FRS2: variants seen among roughly 807,000 people sequenced by gnomAD.
FRS2 encodes FGFR signalling adaptor.
In FRS2, 8 loss-of-function variants were observed where a neutral mutation model predicts 43.9. That is an observed-to-expected ratio of 0.18 (90% CI 0.11 to 0.33). The LOEUF (loss-of-function observed/expected upper bound fraction) is 0.33, where lower values mean the gene tolerates loss of function less well. FRS2 is among the 10% of genes least tolerant of loss of function. The pLI is 1.00. For missense variants in FRS2, 534 were observed against 627.6 expected, an observed-to-expected ratio of 0.85 and a Z score of 1.59; for synonymous variants, 219 against 220.3, an observed-to-expected ratio of 0.99 and a Z score of 0.05.
intron 1 of FRS2, among the ~76,000 whole-genome samples, chr12:69,524,875 T>C (rs1246371376): frequency 2.0e-5 from 3 of 152,166 alleles, no homozygotes; most frequent in Non-Finnish European, 4.4e-5. Context: ...TGAGAGCAGG[T>C]TGCTCCTTGC....
intron 1 of FRS2, among the ~76,000 whole-genome samples, chr12:69,478,434 T>A (rs563914010): frequency 6.6e-6 from 1 of 152,258 alleles, no homozygotes; most frequent in African/African-American, 2.4e-5. Context: ...TAAATATGAA[T>A]ACCCACATGG....
rs1265521056 is a variant in FRS2, at chr12:69,552,508, GT to G, written c.-121-9670del. The stretch of plus-strand genomic sequence containing the variant: ...AAGGCTTCTGATGCTTAAAATCACT[GT>G]TACAGAACTCATGAAGTAAAGGCCA... On this transcript the variant is annotated intron_variant, in intron 3 of 8. Transcript: ENST00000549921. 2.0e-5 allele frequency among the ~76,000 whole-genome samples: 3 copies of G among 152,064 alleles called. No individual in the cohort carries two copies. In the East Asian group the frequency reaches 5.8e-4, roughly 29 times the overall value.
At chr12:69,483,437 T>A (rs766768163) in intron 1 of FRS2, among the ~76,000 whole-genome samples, 1 of 152,228 alleles carries the variant, frequency 6.6e-6, no homozygotes, top group Non-Finnish European at 1.5e-5. Flanking sequence ...TGGAGATTGA[T>A]GTTTTAAAAA....
chr12:69,528,683 T>C (rs1876501316), intron 1 of FRS2, among the ~76,000 whole-genome samples: 1 of 152,240 alleles, frequency 6.6e-6, no homozygotes, highest in Non-Finnish European at 1.5e-5. Flanking sequence ...GATGATGTTA[T>C]GTTTGAAGAT....
chr12:69,500,559 C>G (rs1297482820), intron 1 of FRS2, among the ~76,000 whole-genome samples: 1 of 152,132 alleles, frequency 6.6e-6, no homozygotes, highest in Admixed American at 6.5e-5. Flanking sequence ...TCTATTAGAA[C>G]ATTTCTTTTG....
chr12:69,533,771 T>C (rs1168836352), intron 3 of FRS2, among the ~76,000 whole-genome samples: 1 of 152,150 alleles, frequency 6.6e-6, no homozygotes, highest in Non-Finnish European at 1.5e-5. Context: ...TTTCAGAATA[T>C]AGTAATCCCC....
Position 69,574,135 on chromosome 12 carries a change from A to T in FRS2, c.707A>T (p.Glu236Val), listed in dbSNP as rs760511357. Reference sequence around the variant, plus strand: ...CCAAAAGAAGAACCAAGTAGTATTGAGGACAGGGATCCTCAGATTCTTCTT... The same window carrying T: ...CCAAAAGAAGAACCAAGTAGTATTGTGGACAGGGATCCTCAGATTCTTCTT... ...STPKEEPSSI[E>V]DRDPQILLEP... The change falls in exon 9 of 9, where the codon GAG becomes GTG. Residue 236 changes from glutamate to valine, a missense_variant. Glu to Val is a moderately radical substitution (Grantham distance 121). Transcript: ENST00000549921. 2 of 1,614,022 alleles carry T rather than the reference A, an allele frequency of 1.2e-6. No homozygotes were observed. Among genetic ancestry groups the T allele is most frequent in the Non-Finnish European group, 1.7e-6 (2 of 1,179,938 alleles).
At chr12:69,535,419 G>A (rs1199161574) in intron 3 of FRS2, among the ~76,000 whole-genome samples, 1 of 152,292 alleles carries the variant, frequency 6.6e-6, no homozygotes, top group African/African-American at 2.4e-5. Context: ...TATTTAAGAT[G>A]TGAAGTAGCT....
intron 8 of FRS2, 105 bp from the exon 9 acceptor site, chr12:69,573,894 GAAAGTT>G: frequency 1.5e-6 from 1 of 651,396 alleles, no homozygotes; most frequent in Non-Finnish European, 2.5e-6. Context: ...CATTTGGAGA[GAAAGTT>G]AATACAGTTA....
chr12:69,478,722 T>TTGTG (rs1355174783), intron 1 of FRS2, among the ~76,000 whole-genome samples: 1 of 99,822 alleles, frequency 1.0e-5, no homozygotes, highest in African/African-American at 4.5e-5. Context: ...ACATACATCA[T>TTGTG]TATGTGTGTG....
At chr12:69,557,949 A>C (rs1328209670) in intron 3 of FRS2, 1 of 151,854 alleles carries the variant, frequency 6.6e-6, no homozygotes, top group Non-Finnish European at 1.5e-5. Flanking sequence ...ACATTTTCTT[A>C]GTATTTGCCA....
In FRS2 at chr12:69,575,251, C is replaced by A; in HGVS notation, c.*296C>A. The A allele has an allele frequency of 3.0e-6, 1 of 336,780 alleles. No homozygotes were observed. The highest frequency in any genetic ancestry group is 5.4e-6 in the Non-Finnish European group (1 of 184,980). The allele number at this position is 336,780 out of a possible 1,614,324, so 20.9% of individuals were successfully genotyped here. On this transcript the variant is annotated 3_prime_UTR_variant, in exon 9 of 9. Transcript: ENST00000549921. ...GGTTGATTTTTATCAATATTCTGGA[C>A]TTAACGCATACCTTTCATGTCTAAG...
intron 3 of FRS2, among the ~76,000 whole-genome samples, chr12:69,556,170 G>C (rs959390412): frequency 1.3e-5 from 2 of 152,086 alleles, no homozygotes; most frequent in African/African-American, 4.8e-5. Flanking sequence ...CAAAGTACTG[G>C]GATTACAGGC....
chr12:69,529,675 T>A (rs1306934644), intron 1 of FRS2, among the ~76,000 whole-genome samples: 1 of 152,050 alleles, frequency 6.6e-6, no homozygotes, highest in Non-Finnish European at 1.5e-5. Flanking sequence ...AAATATTTCA[T>A]CAATTTAAGT....
intron 1 of FRS2, among the ~76,000 whole-genome samples, chr12:69,494,825 G>A (rs1364705793): frequency 8.5e-5 from 13 of 152,106 alleles, no homozygotes; most frequent in Non-Finnish European, 1.5e-5. Flanking sequence ...CCAGTCTGGA[G>A]TACAGTGGTG....
chr12:69,550,617 G>GCCTTTCATTTT (rs1159968761), intron 3 of FRS2, among the ~76,000 whole-genome samples: 1 of 152,148 alleles, frequency 6.6e-6, no homozygotes, highest in African/African-American at 2.4e-5. Context: ...TACCACCAAA[G>GCCTTTCATTTT]CCTTTCATTT....
chr12:69,552,512 C>T (rs1046085688), intron 3 of FRS2, among the ~76,000 whole-genome samples: 4 of 152,184 alleles, frequency 2.6e-5, no homozygotes, highest in Admixed American at 2.6e-4. Context: ...ATCACTGTTA[C>T]AGAACTCATG....
At chr12:69,485,109 A>ACACGCG (rs1871760946) in intron 1 of FRS2, among the ~76,000 whole-genome samples, 1 of 148,654 alleles carries the variant, frequency 6.7e-6, no homozygotes, top group East Asian at 2.0e-4. Context: ...ACACACACAC[A>ACACGCG]CACACACACA....
intron 3 of FRS2, among the ~76,000 whole-genome samples, chr12:69,561,794 A>G (rs1879900514): frequency 6.6e-6 from 1 of 152,130 alleles, no homozygotes. Context: ...GGGGATGGAG[A>G]ATTAGTCTGC....
Sources: allele counts gnomAD v4.1 joint callset (sites outside exome capture counted in the v4.1 genomes callset), GRCh38; gene constraint gnomAD v4.1.1; transcripts MANE v1.5; gene names NCBI Gene and HGNC (gene_info 2026-07-23, HGNC 2026-07-21).